TSNAX: variants seen among roughly 807,000 people sequenced by gnomAD.
The protein encoded by TSNAX is translin associated factor X, also known as translin-associated protein X.
Under a neutral mutation model 33.0 loss-of-function variants are expected in TSNAX, and 12 were observed. The ratio of observed to expected loss-of-function variants is 0.36; its 90% CI spans 0.23 to 0.59. The LOEUF (loss-of-function observed/expected upper bound fraction) is 0.59. TSNAX is among the 20% of genes least tolerant of loss of function. TSNAX has a pLI of 0.74. For synonymous variants in TSNAX, 110 were observed against 117.2 expected (o/e 0.94, Z 0.40); for missense variants, 267 against 341.3 (o/e 0.78, Z 1.72).
chr1:231,546,543 A>G (rs901463141), intron 4 of TSNAX, among the ~76,000 whole-genome samples: 10 of 152,250 alleles, frequency 6.6e-5, no homozygotes, highest in African/African-American at 2.4e-4. Flanking sequence ...TTGGAGTAAC[A>G]GTAGGAAGAG....
At chr1:231,540,219 A>C (rs1250273289) in intron 3 of TSNAX, among the ~76,000 whole-genome samples, 1 of 151,096 alleles carries the variant, frequency 6.6e-6, no homozygotes, top group Non-Finnish European at 1.5e-5. Context: ...GAAATGAGCC[A>C]GTCACAGTAC....
Position 231,565,099 on chromosome 1 carries a change from G to C in TSNAX, c.*194G>C, listed in dbSNP as rs1317377201. ...CATTTCTTATATCTTATTCATGAAA[G>C]TTTGCATACAGATGTTTGCATATAT... On this transcript the variant is annotated 3_prime_UTR_variant, in exon 6 of 6. Transcript: ENST00000366639. The C allele has an allele frequency of 7.2e-6, 5 of 690,744 alleles. No homozygotes were observed. The East Asian group carries it at 1.5e-4, about 20-fold the overall frequency. 42.8% of individuals were successfully genotyped at this position (690,744 alleles called of 1,614,324 possible). A position where few individuals can be genotyped will look rare whatever the true frequency, so the allele number is the denominator to read the frequency against.
chr1:231,556,972 A>G (rs1293517117), intron 4 of TSNAX, among the ~76,000 whole-genome samples: 1 of 121,226 alleles, frequency 8.2e-6, no homozygotes. Flanking sequence ...TAAACTGGGG[A>G]ATGATGTCGT....
At chr1:231,559,343 T>TG (rs1660887730) in intron 4 of TSNAX, among the ~76,000 whole-genome samples, 2 of 152,090 alleles carry the variant, frequency 1.3e-5, no homozygotes, top group African/African-American at 4.8e-5. Context: ...TTGTTGTTGT[T>TG]TTTGAGATGG....
chr1:231,529,482 C>A, intron 2 of TSNAX, 123 bp downstream of exon 2: 1 of 901,624 alleles, frequency 1.1e-6, no homozygotes, highest in Non-Finnish European at 1.7e-6. Flanking sequence ...TTTGTGATGG[C>A]GCTAGATGTA....
intron 2 of TSNAX, among the ~76,000 whole-genome samples, chr1:231,533,895 A>G (rs1022214949): frequency 1.3e-5 from 2 of 152,222 alleles, no homozygotes; most frequent in East Asian, 3.9e-4. Context: ...ATTGTTAACT[A>G]ATTTCAGGAG....
intron 2 of TSNAX, chr1:231,535,155 T>C (rs1659078348): frequency 6.6e-6 from 1 of 152,242 alleles, no homozygotes; most frequent in South Asian, 2.1e-4. Context: ...GGCATGAATT[T>C]ACTATGAAAA....
chr1:231,535,087 CAT>C (rs1659073905), intron 2 of TSNAX: 1 of 152,152 alleles, frequency 6.6e-6, no homozygotes, highest in Non-Finnish European at 1.5e-5. Context: ...AGCAAGAAGA[CAT>C]AGTCTGCCTG....
intron 5 of TSNAX, among the ~76,000 whole-genome samples, chr1:231,562,146 TA>T (rs1451451965): frequency 6.7e-6 from 1 of 148,888 alleles, no homozygotes; most frequent in Non-Finnish European, 1.5e-5. Context: ...AAATAATTTA[TA>T]TTATTTAAAT....
rs564481346 is a variant in TSNAX at position 231,545,550 on chromosome 1, AT to A, written c.367+2949del. Among the ~76,000 whole-genome samples the A allele has an allele frequency of 9.1e-4, 136 of 149,334 alleles. No homozygotes were observed. In the South Asian group the frequency reaches 0.014, roughly 15 times the overall value. ...TTTAAAAAAAAATTTGTGTCCTGTC[AT>A]TTTTTTTTTCCCTCTTGTTGAAAAA... On this transcript the variant is annotated intron_variant, in intron 4 of 5. Coordinates refer to ENST00000366639, the MANE Select transcript of TSNAX (RefSeq NM_005999.3).
intron 2 of TSNAX, 160 bp from the exon 3 acceptor site, chr1:231,537,053 G>C (rs1659227235): frequency 6.1e-6 from 3 of 490,268 alleles, no homozygotes; most frequent in Non-Finnish European, 1.1e-5. Context: ...GGATGGTCTT[G>C]ATCTCTTGAC....
At position 231,549,930 on chromosome 1, in the gene TSNAX, C is replaced by G. The variant is rs145912486; in HGVS notation, c.367+7319C>G. Among the ~76,000 whole-genome samples the G allele has an allele frequency of 6.1e-3, 927 of 152,212 alleles. 9 individuals are homozygous for G. The highest frequency in any genetic ancestry group is 0.021 in the African/African-American group (881 of 41,546). On this transcript the variant is annotated intron_variant, in intron 4 of 5. Transcript: ENST00000366639. ...GTTCTGGAGGCCTCAAGTCTGAGAT[C>G]GAGGTGTTGGCAAATTTGATGTCCC...
chr1:231,547,764 TAGA>T (rs1660026140), intron 4 of TSNAX, among the ~76,000 whole-genome samples: 1 of 151,862 alleles, frequency 6.6e-6, no homozygotes, highest in East Asian at 1.9e-4. Flanking sequence ...GATAACATTT[TAGA>T]AGAATAACAG....
At chr1:231,542,811 T>C (rs1659663706) in intron 4 of TSNAX, 200 bp downstream of exon 4, 1 of 483,676 alleles carries the variant, frequency 2.1e-6, no homozygotes, top group Non-Finnish European at 3.7e-6. Flanking sequence ...TGATGGTCAT[T>C]GATTGATTTT....
At chr1:231,528,877 C>T in intron 1 of TSNAX, 51 bp downstream of exon 1, 1 of 1,611,850 alleles carries the variant, frequency 6.2e-7, no homozygotes. Flanking sequence ...GGGAGGTTCT[C>T]CAGTCTTTCT....
chr1:231,534,183 A>G (rs556544879), intron 2 of TSNAX: 3 of 152,228 alleles, frequency 2.0e-5, no homozygotes, highest in Non-Finnish European at 4.4e-5. Flanking sequence ...CAGGTTATGC[A>G]TCCCTGGCTG....
Position 231,528,816 on chromosome 1 carries a change from C to G in TSNAX, c.6C>G (p.Ser2Arg). The change falls in exon 1 of 6, where the codon AGC (serine) becomes AGG (arginine). Residue 2 changes from serine (S) to arginine (R), a missense_variant. Physicochemically the swap from Ser to Arg is moderately radical, Grantham distance 110. Transcript: ENST00000366639. M[S>R]NKEGSGGFRK... ...TCACCGTAGGCTGTGACGACATGAG[C>G]AACAAAGAAGGTGGCGTCCTTAACA... 2 of 1,614,186 alleles carry G rather than the reference C, an allele frequency of 1.2e-6. No homozygotes were observed. Among genetic ancestry groups the G allele is most frequent in the Non-Finnish European group, 1.7e-6 (2 of 1,180,042 alleles).
At chr1:231,553,090 G>C (rs1393285263) in intron 4 of TSNAX, among the ~76,000 whole-genome samples, 1 of 152,104 alleles carries the variant, frequency 6.6e-6, no homozygotes, top group Non-Finnish European at 1.5e-5. Context: ...TATGCTTTCA[G>C]CTCTTTTGGG....
At chr1:231,538,046 T>A (rs1281326556) in intron 3 of TSNAX, among the ~76,000 whole-genome samples, 2 of 151,440 alleles carry the variant, frequency 1.3e-5, no homozygotes, top group Admixed American at 1.3e-4. Context: ...TACCTTCATA[T>A]TATTAAGTCT....
Sources: allele counts gnomAD v4.1 joint callset (sites outside exome capture counted in the v4.1 genomes callset), GRCh38; gene constraint gnomAD v4.1.1; transcripts MANE v1.5; gene names NCBI Gene and HGNC (gene_info 2026-07-23, HGNC 2026-07-21).